The following DGKB variants were observed in gnomAD, a reference collection of about 807,000 sequenced individuals.
The protein encoded by DGKB is diacylglycerol kinase beta.
In DGKB, 67 loss-of-function variants were observed where a neutral mutation model predicts 114.3. That is an observed-to-expected ratio of 0.59 (90% CI 0.48 to 0.72). DGKB has a LOEUF of 0.72. Among genes scored for constraint, DGKB ranks in the 30% least tolerant of loss-of-function variants. The pLI, the probability that DGKB is intolerant of heterozygous loss-of-function variation, is 0.00. For missense variants in DGKB, 907 were observed against 975.2 expected (o/e 0.93, Z 0.93); for synonymous variants, 398 against 323.1 (o/e 1.23, Z -2.49).
chr7:14,526,139 A>G (rs1790603710), intron 20 of DGKB, among the ~76,000 whole-genome samples: 1 of 152,166 alleles, frequency 6.6e-6, no homozygotes, highest in Non-Finnish European at 1.5e-5. Context: ...TTCTACTGGA[A>G]TTCCATGTGA....
rs184658677 is a variant in DGKB at position 14,184,276 on chromosome 7, G to T, written c.2123-6125C>A. On this transcript the variant is annotated intron_variant, in intron 23 of 25. Transcript: ENST00000402815. ...GCTAAACTTTGTAACAATTTGAACGGGGTGGGAAGCCACCTGGCTAGAACT... is the reference window on the plus strand; with the variant it reads ...GCTAAACTTTGTAACAATTTGAACGTGGTGGGAAGCCACCTGGCTAGAACT... Among the ~76,000 whole-genome samples, 471 of 152,242 alleles carry T rather than the reference G, an allele frequency of 3.1e-3. 1 individual carries two copies. Among genetic ancestry groups the T allele is most frequent in the African/African-American group, 0.011 (441 of 41,540 alleles).
intron 23 of DGKB, among the ~76,000 whole-genome samples, chr7:14,263,980 A>G (rs1041099899): frequency 6.6e-6 from 1 of 152,196 alleles, no homozygotes; most frequent in Non-Finnish European, 1.5e-5. Flanking sequence ...TTGCGGAAAT[A>G]TCAAGATTTT....
intron 20 of DGKB, among the ~76,000 whole-genome samples, chr7:14,558,887 C>A (rs563524408): frequency 2.0e-5 from 3 of 152,282 alleles, no homozygotes; most frequent in African/African-American, 7.2e-5. Flanking sequence ...CCTGAAGTAC[C>A]TCAGCTAAGG....
intron 4 of DGKB, among the ~76,000 whole-genome samples, chr7:14,740,257 C>T (rs1436832765): frequency 6.7e-6 from 1 of 149,490 alleles, no homozygotes; most frequent in Non-Finnish European, 1.5e-5. Flanking sequence ...TTTTTTTCTC[C>T]ACAAGGTCAG....
intron 23 of DGKB, among the ~76,000 whole-genome samples, chr7:14,279,439 A>G (rs1157522056): frequency 6.6e-6 from 1 of 152,170 alleles, no homozygotes; most frequent in Non-Finnish European, 1.5e-5. Flanking sequence ...GGGCACAGAC[A>G]AACAAAAAGA....
intron 23 of DGKB, among the ~76,000 whole-genome samples, chr7:14,228,241 G>A (rs1584578878): frequency 6.6e-6 from 1 of 152,020 alleles, no homozygotes; most frequent in South Asian, 2.1e-4. Context: ...GCTGGAGTTA[G>A]TGTTATTATT....
rs143318799 is a variant in DGKB, at chr7:14,912,088, T to C, written c.-188+62608A>G. ...TGATTTTTCTTTGAATACAATTTTA[T>C]TGGAATATAAATAGAGGCAACTTTG... On this transcript the variant is annotated intron_variant, in intron 1 of 4. Coordinates refer to the DGKB transcript ENST00000437998. Among the ~76,000 whole-genome samples, 538 of 152,270 alleles carry C rather than the reference T, an allele frequency of 3.5e-3. 4 individuals are homozygous for C. The highest frequency in any genetic ancestry group is 0.013 in the African/African-American group (522 of 41,562).
intron 4 of DGKB, among the ~76,000 whole-genome samples, chr7:14,741,240 G>C (rs1165402900): frequency 6.6e-6 from 1 of 152,200 alleles, no homozygotes; most frequent in Non-Finnish European, 1.5e-5. Context: ...TGCTGGCAAA[G>C]AGATAAAATA....
intron 23 of DGKB, among the ~76,000 whole-genome samples, chr7:14,206,211 A>C (rs1786788346): frequency 6.6e-6 from 1 of 152,070 alleles, no homozygotes; most frequent in South Asian, 2.1e-4. Context: ...TTAAAACACC[A>C]GTTGAAAAAC....
intron 19 of DGKB, among the ~76,000 whole-genome samples, chr7:14,578,572 C>T (rs1799496120): frequency 6.6e-6 from 1 of 152,188 alleles, no homozygotes; most frequent in South Asian, 2.1e-4. Flanking sequence ...AAATTCCTAA[C>T]CAATCCACTG....
rs557010522 is a variant in DGKB, at chr7:14,912,172, G to C, written c.-188+62524C>G. Among the ~76,000 whole-genome samples, 7 of 152,198 alleles carry C rather than the reference G, an allele frequency of 4.6e-5. No individual in the cohort carries two copies. In the East Asian group the frequency reaches 1.4e-3, roughly 29 times the overall value. On this transcript the variant is annotated intron_variant, in intron 1 of 4. Coordinates refer to the DGKB transcript ENST00000437998. ...CCGGAATCTCTCTCTAGAAATTTAAGCTTTCTAAAGTATGCAAAGCTGTTG... is the reference window on the plus strand; with the variant it reads ...CCGGAATCTCTCTCTAGAAATTTAACCTTTCTAAAGTATGCAAAGCTGTTG...
chr7:14,535,391 AAAAG>A (rs1011107531), intron 20 of DGKB, among the ~76,000 whole-genome samples: 20 of 146,734 alleles, frequency 1.4e-4, no homozygotes, highest in Middle Eastern at 3.4e-3. Context: ...AAAAAAAAAA[AAAAG>A]AAAGAAAGAA....
chr7:14,519,338 G>T (rs1789361007), intron 20 of DGKB, among the ~76,000 whole-genome samples: 1 of 151,912 alleles, frequency 6.6e-6, no homozygotes, highest in Non-Finnish European at 1.5e-5. Flanking sequence ...TACATAAATG[G>T]AACATACATG....
chr7:14,664,014 C>T (rs1563839541), intron 13 of DGKB, among the ~76,000 whole-genome samples: 1 of 151,894 alleles, frequency 6.6e-6, no homozygotes, highest in Non-Finnish European at 1.5e-5. Flanking sequence ...ACTTGAGGTT[C>T]ATGAAATCTA....
chr7:14,893,158 C>A (rs1285495258), intron 1 of DGKB, among the ~76,000 whole-genome samples: 1 of 151,256 alleles, frequency 6.6e-6, no homozygotes, highest in Non-Finnish European at 1.5e-5. Flanking sequence ...ACTCTGTCTC[C>A]ATTTCCTGAA....
chr7:14,817,023 T>C (rs1461780062), intron 2 of DGKB, among the ~76,000 whole-genome samples: 1 of 152,202 alleles, frequency 6.6e-6, no homozygotes, highest in Non-Finnish European at 1.5e-5. Context: ...TACTTTCTAA[T>C]CCCTTCTAAA....
At chr7:14,312,005 CTA>C (rs1805471200) in intron 23 of DGKB, among the ~76,000 whole-genome samples, 1 of 92,582 alleles carries the variant, frequency 1.1e-5, no homozygotes, top group Non-Finnish European at 2.7e-5. Context: ...GCTGCACCAG[CTA>C]TGTTATTTTT....
At chr7:14,202,214 G>C (rs1448485545) in intron 23 of DGKB, among the ~76,000 whole-genome samples, 1 of 151,790 alleles carries the variant, frequency 6.6e-6, no homozygotes, top group Non-Finnish European at 1.5e-5. Flanking sequence ...TTGTTAACTG[G>C]ATTTTTTTTC....
chr7:14,670,128 T>C (rs978344776), intron 13 of DGKB, among the ~76,000 whole-genome samples: 1 of 152,102 alleles, frequency 6.6e-6, no homozygotes, highest in Non-Finnish European at 1.5e-5. Context: ...TTCAATAGTG[T>C]AAATATTCAT....
Sources: gnomAD v4.1 joint callset for allele counts (sites outside exome capture counted in the v4.1 genomes callset) on GRCh38, gnomAD v4.1.1 for gene constraint, MANE v1.5 for transcripts, NCBI Gene and HGNC (gene_info 2026-07-23, HGNC 2026-07-21) for gene names.